USP44: variants seen among roughly 807,000 people sequenced by gnomAD.
The protein encoded by USP44 is ubiquitin specific peptidase 44, also known as ubiquitin carboxyl-terminal hydrolase 44.
Under a neutral mutation model 69.0 loss-of-function variants are expected in USP44, and 61 were observed. The ratio of observed to expected loss-of-function variants is 0.88; its 90% CI spans 0.72 to 1.09. The LOEUF (loss-of-function observed/expected upper bound fraction) is 1.09, where lower values mean the gene tolerates loss of function less well. Among genes scored for constraint, USP44 ranks in the 50% least tolerant of loss-of-function variants. The probability of loss-of-function intolerance (pLI) is 0.00; values close to 1 mark genes in which losing one functional copy is unlikely to be tolerated. For missense variants in USP44, 753 were observed against 849.9 expected (o/e 0.89, Z 1.42); for synonymous variants, 297 against 295.4 (o/e 1.01, Z -0.06).
chr12:95,524,480 G>C (rs578168071), intron 4 of USP44, 200 bp downstream of exon 4: 3 of 410,320 alleles, frequency 7.3e-6, no homozygotes, highest in Non-Finnish European at 1.3e-5. Flanking sequence ...CTAGGTGACA[G>C]AGTGAGACTC....
intron 2 of USP44, 85 bp downstream of exon 2, chr12:95,532,744 A>T (rs571343124): frequency 1.7e-6 from 2 of 1,173,420 alleles, no homozygotes; most frequent in South Asian, 3.3e-5. Context: ...AGCTCAACAC[A>T]CTAGATGTAC....
rs2077099723 is a variant in USP44 at position 95,533,643 on chromosome 12, A to C, written c.614T>G (p.Leu205Trp). 3.1e-6 allele frequency: 5 copies of C among 1,613,740 alleles called. No individual in the cohort carries two copies. The South Asian group carries it at 4.4e-5, about 14-fold the overall frequency. Residue 205 changes from leucine (L) to tryptophan (W), a missense_variant, in exon 2 of 6, where the codon TTG becomes TGG. By Grantham distance (61) the Leu-to-Trp change is moderately conservative. Coordinates refer to ENST00000258499, the MANE Select transcript of USP44 (RefSeq NM_032147.5). ...ACTCTTTCTTGGAGGCATACTTTCCAATTCTGCTTTAACTTGATACTCCAA... is the reference window on the plus strand; with the variant it reads ...ACTCTTTCTTGGAGGCATACTTTCCCATTCTGCTTTAACTTGATACTCCAA... ...QELEYQVKAE[L>W]ESMPPRKSLR...
chr12:95,532,800 A>G lies in USP44; in HGVS notation c.1428+29T>C, dbSNP rs1435395060. ...GGCTACACTTTATGAACTCCCAATG[A>G]TGAAAATAAGATTCTTAAAAATCCA... On this transcript the variant is annotated intron_variant, in intron 2 of 5. Transcript: ENST00000258499. 3.9e-6 allele frequency: 6 copies of G among 1,531,306 alleles called. No individual in the cohort carries two copies. The Middle Eastern group carries it at 6.0e-4, about 152-fold the overall frequency. 94.9% of individuals were successfully genotyped at this position (1,531,306 alleles called of 1,614,324 possible).
chr12:95,545,411 TCTAC>T (rs1412305514), intron 1 of USP44, among the ~76,000 whole-genome samples: 3 of 152,166 alleles, frequency 2.0e-5, no homozygotes, highest in Admixed American at 2.0e-4. Flanking sequence ...AAACAGATCC[TCTAC>T]AGGCTATTAA....
intron 1 of USP44, among the ~76,000 whole-genome samples, chr12:95,536,180 CCA>C (rs1479688951): frequency 6.6e-6 from 1 of 151,734 alleles, no homozygotes; most frequent in Non-Finnish European, 1.5e-5. Flanking sequence ...GTAGCTGAGA[CCA>C]CAGGCATGTG....
In USP44 at chr12:95,517,573, A is replaced by G. The variant is rs965345126; in HGVS notation, c.*581T>C. ...TTTTCATTTATAGTTTGACTATGCCAAAGAGCAATTACTAAAGCAATTTTG... is the reference window on the plus strand; with the variant it reads ...TTTTCATTTATAGTTTGACTATGCCGAAGAGCAATTACTAAAGCAATTTTG... On this transcript the variant is annotated 3_prime_UTR_variant, in exon 6 of 6. Coordinates refer to ENST00000258499, the MANE Select transcript of USP44 (RefSeq NM_032147.5). The G allele has an allele frequency of 6.6e-6, 1 of 152,212 alleles. No homozygotes were observed. The highest frequency in any genetic ancestry group is 6.5e-5 in the Admixed American group (1 of 15,280). The allele number at this position is 152,212 out of a possible 1,614,324, so 9.4% of individuals were successfully genotyped here. A position where few individuals can be genotyped will look rare whatever the true frequency, so the allele number is the denominator to read the frequency against.
intron 3 of USP44, among the ~76,000 whole-genome samples, chr12:95,526,518 G>C (rs1028552791): frequency 6.6e-5 from 10 of 152,164 alleles, no homozygotes; most frequent in Admixed American, 5.2e-4. Flanking sequence ...CTTGCAGTGA[G>C]CCGAGACTGT....
At chr12:95,524,636 T>A (rs750548534) in intron 4 of USP44, 44 bp downstream of exon 4, 2 of 1,444,650 alleles carry the variant, frequency 1.4e-6, no homozygotes, top group Non-Finnish European at 1.9e-6. Context: ...TGAAGCATTA[T>A]AAGCACAAGG....
At position 95,528,878 on chromosome 12, in the gene USP44, G is replaced by A. The variant is rs2076933292; in HGVS notation, c.1553C>T (p.Thr518Ile). 2.5e-6 allele frequency: 4 copies of A among 1,613,908 alleles called. No individual in the cohort carries two copies. Among genetic ancestry groups the A allele is most frequent in the Non-Finnish European group, 3.4e-6 (4 of 1,180,000 alleles). ...TTCTGTAAATTTGGCCAACATTTCA[G>A]TAACCAGACATGGCTGGGAAGCAAT... ...KDIASQPCLV[T>I]EMLAKFTETE... Residue 518 changes from threonine (T) to isoleucine (I), a missense_variant, in exon 3 of 6, where the codon ACT becomes ATT. Physicochemically the swap from Thr to Ile is moderately conservative, Grantham distance 89 (BLOSUM62 -1). Transcript: ENST00000258499.
chr12:95,534,139 C>CT lies in USP44; in HGVS notation c.117_118insA (p.Ala40SerfsTer4). On this transcript the variant is annotated frameshift_variant, in exon 2 of 6. Transcript: ENST00000258499. LOFTEE classifies it high-confidence loss of function. ...GCAACATGGGAGCAGCTAAGGCAAG[C>CT]CCAAATGGACTCGGTCGTGTTGCAG... The CT allele has an allele frequency of 6.2e-7, 1 of 1,614,136 alleles. No homozygotes were observed. Among genetic ancestry groups the CT allele is most frequent in the African/African-American group, 1.3e-5 (1 of 75,020 alleles).
intron 1 of USP44, among the ~76,000 whole-genome samples, chr12:95,540,819 C>T (rs998641750): frequency 5.3e-5 from 8 of 152,172 alleles, no homozygotes; most frequent in Non-Finnish European, 7.3e-5. Flanking sequence ...TGCATACTAT[C>T]CCACCAAATT....
chr12:95,545,734 G>A (rs1301024836), intron 1 of USP44, among the ~76,000 whole-genome samples: 1 of 152,170 alleles, frequency 6.6e-6, no homozygotes, highest in Non-Finnish European at 1.5e-5. Flanking sequence ...ACAAATTACT[G>A]AGCGAATGAA....
rs2076490781 is a variant in USP44 at position 95,516,989 on chromosome 12, G to A, written c.*1165C>T. ...TTCTACCCTCTCCAAATAAGATAAA[G>A]TTAGCAGCAACAGGACTTTAAAGAA... On this transcript the variant is annotated 3_prime_UTR_variant, in exon 6 of 6. Coordinates refer to ENST00000258499, the MANE Select transcript of USP44 (RefSeq NM_032147.5). The A allele has an allele frequency of 6.6e-6, 1 of 151,622 alleles. No homozygotes were observed. Among genetic ancestry groups the A allele is most frequent in the African/African-American group, 2.4e-5 (1 of 41,186 alleles). 9.4% of individuals were successfully genotyped at this position (151,622 alleles called of 1,614,324 possible).
chr12:95,535,144 A>C (rs1054538285), intron 1 of USP44, among the ~76,000 whole-genome samples: 9 of 152,222 alleles, frequency 5.9e-5, no homozygotes, highest in African/African-American at 2.2e-4. Flanking sequence ...ACACACTGTT[A>C]AATGTATGAT....
chr12:95,545,090 CA>C (rs1811565598), intron 1 of USP44, among the ~76,000 whole-genome samples: 1 of 152,206 alleles, frequency 6.6e-6, no homozygotes, highest in African/African-American at 2.4e-5. Context: ...ATGTTTTTAA[CA>C]AATCTTATTG....
chr12:95,532,714 T>A, intron 2 of USP44, 115 bp downstream of exon 2: 2 of 827,660 alleles, frequency 2.4e-6, no homozygotes, highest in Non-Finnish European at 3.6e-6. Flanking sequence ...AACAATCTAT[T>A]TTGACCTGAA....
intron 1 of USP44, among the ~76,000 whole-genome samples, chr12:95,550,615 TTAA>T (rs2077707937): frequency 6.6e-6 from 1 of 152,310 alleles, no homozygotes; most frequent in South Asian, 2.1e-4. Flanking sequence ...AAGCAAAATA[TTAA>T]TAATAGAAAA....
intron 2 of USP44, among the ~76,000 whole-genome samples, chr12:95,530,455 T>C (rs2076981659): frequency 6.6e-6 from 1 of 151,836 alleles, no homozygotes; most frequent in South Asian, 2.1e-4. Context: ...ACCTTGTCTC[T>C]ATAAAAAAAA....
rs1346336354 is a variant in USP44, at chr12:95,533,584, T to C, written c.673A>G (p.Ile225Val). Residue 225 changes from isoleucine to valine, a missense_variant, in exon 2 of 6, where the codon ATA becomes GTA. Coordinates refer to ENST00000258499, the MANE Select transcript of USP44 (RefSeq NM_032147.5). ...RLQGLAQSTI[I>V]EIVSVQVPAQ... is the part of the protein sequence containing the mutation. ...GGCACCTGAACAGAAACTATTTCTA[T>C]TATGGTCGACTGAGCGAGCCCTTGT... The C allele has an allele frequency of 6.2e-7, 1 of 1,613,662 alleles. No individual in the cohort carries two copies. The highest frequency in any genetic ancestry group is 8.5e-7 in the Non-Finnish European group (1 of 1,179,996).
Sources: allele counts gnomAD v4.1 joint callset (sites outside exome capture counted in the v4.1 genomes callset), GRCh38; gene constraint gnomAD v4.1.1; transcripts MANE v1.5; gene names NCBI Gene and HGNC (gene_info 2026-07-23, HGNC 2026-07-21).